BCL11A: variants seen among roughly 807,000 people sequenced by gnomAD.
BCL11A encodes the protein BCL11 transcription factor A.
A neutral mutation model predicts 55.9 loss-of-function variants in BCL11A; 2 were observed. The ratio of observed to expected loss-of-function variants is 0.04; its 90% CI spans 0.01 to 0.11. BCL11A has a LOEUF of 0.11. Among genes scored for constraint, BCL11A ranks in the 10% least tolerant of loss-of-function variants. BCL11A has a pLI of 1.00. For synonymous variants in BCL11A, 465 were observed against 473.4 expected (o/e 0.98, Z 0.23); for missense variants, 817 against 1,137.1 (o/e 0.72, Z 4.05).
In BCL11A at chr2:60,461,224, T is replaced by C. The variant is rs766051257; in HGVS notation, c.1688A>G (p.His563Arg). 3 of 1,611,202 alleles carry C rather than the reference T, an allele frequency of 1.9e-6. No individual in the cohort carries two copies. Among genetic ancestry groups the C allele is most frequent in the Non-Finnish European group, 2.5e-6 (3 of 1,179,770 alleles). The change falls in exon 4 of 4, where the codon CAC becomes CGC. Residue 563 changes from histidine (H) to arginine (R), a missense_variant. Coordinates refer to ENST00000642384, the MANE Select transcript of BCL11A (RefSeq NM_022893.4). ...SSMQHFSEAF[H>R]QVLGEKHKRG... ...CTTATGCTTCTCGCCCAGGACCTGG[T>C]GGAAGGCCTCGCTGAAGTGCTGCAT... is the stretch of plus-strand genomic sequence containing the variant.
chr2:60,459,379 T>C lies in BCL11A; in HGVS notation c.*1025A>G, dbSNP rs1328218796. ...TTTGCACATTACACATTCAATTTAATCATTGTTTAAAAAAAATAAAACTTT... is the reference window on the plus strand; with the variant it reads ...TTTGCACATTACACATTCAATTTAACCATTGTTTAAAAAAAATAAAACTTT... On this transcript the variant is annotated 3_prime_UTR_variant, in exon 4 of 4. Coordinates refer to ENST00000642384, the MANE Select transcript of BCL11A (RefSeq NM_022893.4). 9.8e-7 allele frequency: 1 copy of C among 1,019,968 alleles called. No individual in the cohort carries two copies. Among genetic ancestry groups the C allele is most frequent in the African/African-American group, 1.7e-5 (1 of 58,554 alleles). The allele number at this position is 1,019,968 out of a possible 1,614,324, so 63.2% of individuals were successfully genotyped here. A position where few individuals can be genotyped will look rare whatever the true frequency, so the allele number is the denominator to read the frequency against.
chr2:60,552,220 A>G (rs1670441191), intron 1 of BCL11A, among the ~76,000 whole-genome samples: 1 of 152,100 alleles, frequency 6.6e-6, no homozygotes, highest in Admixed American at 6.5e-5. Context: ...GGGGGCAAGA[A>G]ATTGTACATT....
chr2:60,494,302 A>G (rs1008402566), intron 2 of BCL11A, among the ~76,000 whole-genome samples: 2 of 152,180 alleles, frequency 1.3e-5, no homozygotes, highest in East Asian at 1.9e-4. Context: ...TCATCTGTGC[A>G]TGGCCTCTAA....
intron 2 of BCL11A, chr2:60,534,546 A>G (rs1448583794): frequency 6.6e-6 from 1 of 152,270 alleles, no homozygotes; most frequent in East Asian, 1.9e-4. Flanking sequence ...TTCTCTATGT[A>G]TCTGGAAGTG....
Position 60,460,349 on chromosome 2 carries a change from G to A in BCL11A, c.*55C>T, listed in dbSNP as rs761630332. The A allele has an allele frequency of 1.3e-6, 2 of 1,544,604 alleles. No individual in the cohort carries two copies. Among genetic ancestry groups the A allele is most frequent in the Admixed American group, 3.7e-5 (2 of 54,742 alleles). Reference sequence around the variant, plus strand: ...GGGGCTGGAGGGCGATGGGGAAGGGGAGTGGTGAAAAAGGGGGTGTCAGGT... The same window carrying A: ...GGGGCTGGAGGGCGATGGGGAAGGGAAGTGGTGAAAAAGGGGGTGTCAGGT... On this transcript the variant is annotated 3_prime_UTR_variant, in exon 4 of 4. Transcript: ENST00000642384.
chr2:60,525,785 T>A (rs1669175441), intron 2 of BCL11A: 1 of 152,186 alleles, frequency 6.6e-6, no homozygotes, highest in East Asian at 1.9e-4. Flanking sequence ...ACACTAAAAG[T>A]CAAAGTTTGG....
intron 3 of BCL11A, among the ~76,000 whole-genome samples, chr2:60,467,558 G>A (rs1486658018): frequency 3.0e-5 from 1 of 32,826 alleles, no homozygotes; most frequent in African/African-American, 1.4e-4. Context: ...GATGGTGGTG[G>A]TGGTAGTGAT....
At chr2:60,527,516 C>G (rs757972652) in intron 2 of BCL11A, 1 of 152,294 alleles carries the variant, frequency 6.6e-6, no homozygotes, top group Non-Finnish European at 1.5e-5. Context: ...AAAAGTGAAG[C>G]TTTGGAGCTC....
rs1235206836 is a variant in BCL11A, at chr2:60,460,914, G to A, written c.1998C>T (p.Ser666=). 3.1e-6 allele frequency: 5 copies of A among 1,612,890 alleles called. No individual in the cohort carries two copies. Among genetic ancestry groups the A allele is most frequent in the East Asian group, 2.2e-5 (1 of 44,878 alleles). Residue 666 remains serine (S), a synonymous_variant, in exon 4 of 4, where the codon TCC becomes TCT. Transcript: ENST00000642384. The part of the protein sequence containing the change: ...YSQWLAGYAA[S]RQLKDPFLSF... Reference sequence around the variant, plus strand: ...TAAGGAAGGGATCTTTGAGCTGCCTGGAGGCCGCGTAGCCGGCGAGCCACT... The same window carrying A: ...TAAGGAAGGGATCTTTGAGCTGCCTAGAGGCCGCGTAGCCGGCGAGCCACT...
intron 2 of BCL11A, among the ~76,000 whole-genome samples, chr2:60,509,145 T>C (rs781201231): frequency 3.8e-4 from 58 of 152,320 alleles, no homozygotes; most frequent in Non-Finnish European, 6.5e-4. Context: ...AGAAAGCAAT[T>C]TGTTTGATTC....
intron 2 of BCL11A, among the ~76,000 whole-genome samples, chr2:60,509,655 A>G (rs1199790669): frequency 1.3e-5 from 2 of 152,222 alleles, no homozygotes; most frequent in African/African-American, 4.8e-5. Context: ...AACAACAGAG[A>G]AGGAAAAAGA....
chr2:60,526,386 T>C (rs1669203022), intron 2 of BCL11A: 1 of 152,248 alleles, frequency 6.6e-6, no homozygotes. Flanking sequence ...AAGCAGCATA[T>C]GTTTATCCTT....
chr2:60,503,271 G>C (rs1037958148), intron 2 of BCL11A, among the ~76,000 whole-genome samples: 3 of 152,198 alleles, frequency 2.0e-5, no homozygotes, highest in Admixed American at 6.5e-5. Flanking sequence ...CCAGAATGGG[G>C]TCCAACCAGG....
At position 60,546,499 on chromosome 2, in the gene BCL11A, A is replaced by C; in HGVS notation, c.56-199T>G. 1.7e-6 allele frequency: 1 copy of C among 580,142 alleles called. No individual in the cohort carries two copies. The highest frequency in any genetic ancestry group is 3.1e-6 in the Non-Finnish European group (1 of 327,302). 35.9% of individuals were successfully genotyped at this position (580,142 alleles called of 1,614,324 possible). On this transcript the variant is annotated intron_variant, in intron 1 of 3. Transcript: ENST00000642384. The surrounding 1 kb of genome is among the most constrained non-coding windows in gnomAD (Gnocchi z 4.1). The stretch of plus-strand genomic sequence containing the variant: ...CAACCAGAGAGCAAATTTGTCAATG[A>C]GGCAAATCATCACATATGTAAAGAA...
intron 2 of BCL11A, chr2:60,522,035 T>C (rs572901003): frequency 1.3e-5 from 2 of 152,380 alleles, no homozygotes; most frequent in South Asian, 4.1e-4. Context: ...TTGCTACCTC[T>C]GAGCCAAACC....
At chr2:60,487,000 G>A (rs1157340830) in intron 2 of BCL11A, among the ~76,000 whole-genome samples, 2 of 152,180 alleles carry the variant, frequency 1.3e-5, no homozygotes, top group African/African-American at 2.4e-5. Flanking sequence ...GATTCAAAGC[G>A]AAGGCAAATG....
At chr2:60,479,289 GC>G (rs1677812102) in intron 2 of BCL11A, among the ~76,000 whole-genome samples, 1 of 152,196 alleles carries the variant, frequency 6.6e-6, no homozygotes, top group Non-Finnish European at 1.5e-5. Context: ...TGGACACCTG[GC>G]CTCTGCGGGC....
In BCL11A at chr2:60,553,360, A is replaced by G. The variant is rs958837528; in HGVS notation, c.-90T>C. On this transcript the variant is annotated 5_prime_UTR_variant, in exon 1 of 4. Coordinates refer to ENST00000642384, the MANE Select transcript of BCL11A (RefSeq NM_022893.4). The stretch of plus-strand genomic sequence containing the variant: ...ACATCGGGAGAGCCGGGTTAGAAAG[A>G]AGGAGACTCCAGAGAAAATATCTTC... 6 of 1,352,976 alleles carry G rather than the reference A, an allele frequency of 4.4e-6. No individual in the cohort carries two copies. In the African/African-American group the frequency reaches 8.8e-5, roughly 20 times the overall value. 83.8% of individuals were successfully genotyped at this position (1,352,976 alleles called of 1,614,324 possible). A position where few individuals can be genotyped will look rare whatever the true frequency, so the allele number is the denominator to read the frequency against.
chr2:60,507,080 T>C (rs1405359090), intron 2 of BCL11A, among the ~76,000 whole-genome samples: 1 of 151,912 alleles, frequency 6.6e-6, no homozygotes, highest in African/African-American at 2.4e-5. Flanking sequence ...TAATTTTTGT[T>C]CTGAAATACT....
Sources: allele counts gnomAD v4.1 joint callset (sites outside exome capture counted in the v4.1 genomes callset), GRCh38; gene constraint gnomAD v4.1.1; non-coding constraint Gnocchi (gnomAD v3.1); transcripts MANE v1.5; gene names NCBI Gene and HGNC (gene_info 2026-07-23, HGNC 2026-07-21).